Variants in RORA observed in about 807,000 individuals in gnomAD.
RORA encodes RAR related orphan receptor A.
In RORA, 7 loss-of-function variants were observed where a neutral mutation model predicts 69.5. The observed-to-expected ratio is 0.10, with a 90% CI of 0.06 to 0.19. RORA has a LOEUF of 0.19. Ranked by LOEUF, RORA falls within the 10% of genes least tolerant of loss-of-function variation. The pLI, the probability that RORA is intolerant of heterozygous loss-of-function variation, is 1.00. For missense variants in RORA, 457 were observed against 663.0 expected, an observed-to-expected ratio of 0.69 and a Z score of 3.41; for synonymous variants, 261 against 240.8, an observed-to-expected ratio of 1.08 and a Z score of -0.78.
intron 1 of RORA, among the ~76,000 whole-genome samples, chr15:60,838,729 G>A (rs1299975880): frequency 6.6e-6 from 1 of 152,074 alleles, no homozygotes; most frequent in Non-Finnish European, 1.5e-5. Flanking sequence ...CCAAAATCAT[G>A]TTAAAAACTT....
rs1467659283 is a variant in RORA at position 61,224,632 on chromosome 15, T to C, written c.166+4421A>G. Among the ~76,000 whole-genome samples, 3 of 152,210 alleles carry C rather than the reference T, an allele frequency of 2.0e-5. No homozygotes were observed. The East Asian group carries it at 5.8e-4, about 29-fold the overall frequency. On this transcript the variant is annotated intron_variant, in intron 1 of 10. Coordinates refer to ENST00000335670, the MANE Select transcript of RORA (RefSeq NM_134261.3). ...GGTGGATCTTAATTCAGAAGTGACA[T>C]GTCCAAGGAAAAGAACCCATGGGCT...
chr15:60,789,003 G>A (rs1248824931), intron 1 of RORA, among the ~76,000 whole-genome samples: 1 of 152,174 alleles, frequency 6.6e-6, no homozygotes, highest in African/African-American at 2.4e-5. Context: ...CAGTGGCTGC[G>A]AAGCAAATAA....
At chr15:60,815,722 C>G (rs899734038) in intron 1 of RORA, among the ~76,000 whole-genome samples, 1 of 151,634 alleles carries the variant, frequency 6.6e-6, no homozygotes. Context: ...GTCAACACCC[C>G]CCGAGGTGTG....
At chr15:60,588,360 G>A (rs1162171135) in intron 2 of RORA, among the ~76,000 whole-genome samples, 1 of 152,122 alleles carries the variant, frequency 6.6e-6, no homozygotes, top group African/African-American at 2.4e-5. Flanking sequence ...TAGGAAATTT[G>A]TTCCACATAA....
intron 1 of RORA, among the ~76,000 whole-genome samples, chr15:61,077,327 C>G (rs905271911): frequency 2.0e-5 from 3 of 152,126 alleles, no homozygotes; most frequent in African/African-American, 7.2e-5. Flanking sequence ...CGGATTCAGG[C>G]TCCTAATGAA....
chr15:61,010,217 AAC>A (rs1310543062), intron 1 of RORA, among the ~76,000 whole-genome samples: 1 of 152,182 alleles, frequency 6.6e-6, no homozygotes, highest in African/African-American at 2.4e-5. Context: ...TTTGAGAGGA[AAC>A]ACTTCTATTT....
At chr15:60,592,591 G>A (rs2068562743) in intron 2 of RORA, 4 of 1,214,652 alleles carry the variant, frequency 3.3e-6, no homozygotes, top group Non-Finnish European at 3.1e-6. Flanking sequence ...CATCACGGCC[G>A]CCGCTCTGTT....
intron 1 of RORA, among the ~76,000 whole-genome samples, chr15:60,947,501 G>C (rs552006321): frequency 2.0e-5 from 3 of 151,468 alleles, no homozygotes; most frequent in Admixed American, 6.6e-5. Flanking sequence ...CAGCATGCTC[G>C]TTAAGAGTCA....
intron 1 of RORA, among the ~76,000 whole-genome samples, chr15:61,076,033 C>A (rs945800476): frequency 2.6e-5 from 4 of 152,170 alleles, no homozygotes; most frequent in African/African-American, 9.7e-5. Flanking sequence ...GCTTAGTCCC[C>A]GCCCTCTAGC....
chr15:60,597,551 CATAT>C (rs1203238304), intron 2 of RORA, among the ~76,000 whole-genome samples: 5 of 25,134 alleles, frequency 2.0e-4, no homozygotes, highest in Admixed American at 6.7e-4. Context: ...ACACACACAA[CATAT>C]ATATATATAT....
At chr15:60,652,307 G>C (rs563264545) in intron 2 of RORA, among the ~76,000 whole-genome samples, 3 of 152,196 alleles carry the variant, frequency 2.0e-5, no homozygotes, top group Non-Finnish European at 2.9e-5. Context: ...CATAAGAAAG[G>C]CATAAGTAGG....
At chr15:60,975,621 C>T (rs1893853158) in intron 1 of RORA, among the ~76,000 whole-genome samples, 1 of 152,168 alleles carries the variant, frequency 6.6e-6, no homozygotes, top group African/African-American at 2.4e-5. Flanking sequence ...AGCCCCTCTC[C>T]CTCGGAGGCT....
At chr15:60,965,739 A>C (rs1035351656) in intron 1 of RORA, among the ~76,000 whole-genome samples, 1 of 152,122 alleles carries the variant, frequency 6.6e-6, no homozygotes, top group Non-Finnish European at 1.5e-5. Context: ...TTTCTCCCCA[A>C]GCACTGGTTT....
chr15:60,658,393 G>C (rs1434685205), intron 2 of RORA, among the ~76,000 whole-genome samples: 1 of 152,110 alleles, frequency 6.6e-6, no homozygotes, highest in Non-Finnish European at 1.5e-5. Flanking sequence ...CCATATAGTA[G>C]GAGGTCAGGG....
chr15:60,640,141 C>T (rs1326648065), intron 2 of RORA, among the ~76,000 whole-genome samples: 2 of 152,174 alleles, frequency 1.3e-5, no homozygotes, highest in East Asian at 1.9e-4. Context: ...ATATTCCTCT[C>T]GCAGCATCAC....
In RORA at chr15:61,131,787, G is replaced by A. The variant is rs965085724; in HGVS notation, c.166+97266C>T. Among the ~76,000 whole-genome samples, 76 of 152,342 alleles carry A rather than the reference G, an allele frequency of 5.0e-4. No homozygotes were observed. Among genetic ancestry groups the A allele is most frequent in the African/African-American group, 1.8e-3 (74 of 41,592 alleles). On this transcript the variant is annotated intron_variant, in intron 1 of 10. Coordinates refer to ENST00000335670, the MANE Select transcript of RORA (RefSeq NM_134261.3). This position sits in a 1 kb window ranked among gnomAD's most constrained non-coding sequence, Gnocchi z 4.2. ...TGGGGAAGGAGTAGGGCAGGAGTGA[G>A]AAAAATGAAACTGGACTCCAGTTCT...
At chr15:60,829,108 G>C (rs2073004215) in intron 1 of RORA, among the ~76,000 whole-genome samples, 1 of 152,122 alleles carries the variant, frequency 6.6e-6, no homozygotes, top group Non-Finnish European at 1.5e-5. Context: ...ACCTATCAGG[G>C]AGGAGATGCC....
chr15:60,535,831 C>T (rs1005653396), intron 2 of RORA, among the ~76,000 whole-genome samples: 9 of 152,126 alleles, frequency 5.9e-5, no homozygotes, highest in African/African-American at 2.2e-4. Context: ...CATTATATCT[C>T]ACTCACTCCT....
In RORA at chr15:60,988,574, T is replaced by C. The variant is rs568514427; in HGVS notation, c.166+240479A>G. On this transcript the variant is annotated intron_variant, in intron 1 of 10. Coordinates refer to ENST00000335670, the MANE Select transcript of RORA (RefSeq NM_134261.3). ...CCGCTGACAAACAGCCCATTGACCATGGCAAATCCTCTACTGCTAAACTAT... is the reference window on the plus strand; with the variant it reads ...CCGCTGACAAACAGCCCATTGACCACGGCAAATCCTCTACTGCTAAACTAT... Among the ~76,000 whole-genome samples the C allele has an allele frequency of 3.3e-5, 5 of 152,292 alleles. No individual in the cohort carries two copies. In the South Asian group the frequency reaches 1.0e-3, roughly 32 times the overall value.
Sources: allele counts gnomAD v4.1 joint callset (sites outside exome capture counted in the v4.1 genomes callset), GRCh38; gene constraint gnomAD v4.1.1; non-coding constraint Gnocchi (gnomAD v3.1); transcripts MANE v1.5; gene names NCBI Gene and HGNC (gene_info 2026-07-23, HGNC 2026-07-21).